The following MEIKIN variants were observed in gnomAD, a reference collection of about 807,000 sequenced individuals.
MEIKIN encodes the protein meiosis-specific kinetochore protein.
intron 8 of MEIKIN, among the ~76,000 whole-genome samples, chr5:131,901,477 G>A (rs1277742321): frequency 6.6e-6 from 1 of 151,950 alleles, no homozygotes; most frequent in Middle Eastern, 3.2e-3. Context: ...CCCTACAATT[G>A]CCAGCACCCT....
At chr5:131,885,964 T>C (rs999180472) in intron 8 of MEIKIN, among the ~76,000 whole-genome samples, 1 of 152,114 alleles carries the variant, frequency 6.6e-6, no homozygotes, top group African/African-American at 2.4e-5. Context: ...TACAAAGAAA[T>C]TTAAATAACT....
intron 5 of MEIKIN, among the ~76,000 whole-genome samples, chr5:131,925,574 G>A (rs1002347129): frequency 3.9e-5 from 6 of 152,036 alleles, no homozygotes; most frequent in African/African-American, 2.4e-5. Context: ...TTTATTGCTA[G>A]GATATAGAAA....
At chr5:131,828,867 T>C (rs1278721695) in intron 11 of MEIKIN, among the ~76,000 whole-genome samples, 1 of 152,162 alleles carries the variant, frequency 6.6e-6, no homozygotes, top group African/African-American at 2.4e-5. Flanking sequence ...AAGGAACTCC[T>C]GGGTCAAACA....
intron 10 of MEIKIN, among the ~76,000 whole-genome samples, chr5:131,853,210 T>C (rs1480886376): frequency 6.6e-6 from 1 of 152,242 alleles, no homozygotes; most frequent in Non-Finnish European, 1.5e-5. Flanking sequence ...ACTACTGCAC[T>C]ATAAAAGCTA....
rs912473159 is a variant in MEIKIN at position 131,917,936 on chromosome 5, AT to A, written c.599-1012del. ...TGTTTTTGCTGGTAACAGTCACCTC[AT>A]TTTTTTTCCCCCGAGGGTCCAGGCA... On this transcript the variant is annotated intron_variant, in intron 6 of 12. Coordinates refer to ENST00000442687, the MANE Select transcript of MEIKIN (RefSeq NM_001303622.2). Among the ~76,000 whole-genome samples, 7 of 151,914 alleles carry A rather than the reference AT, an allele frequency of 4.6e-5. No homozygotes were observed. In the East Asian group the frequency reaches 5.8e-4, roughly 13 times the overall value.
intron 5 of MEIKIN, among the ~76,000 whole-genome samples, chr5:131,928,138 C>T (rs1362251788): frequency 3.9e-5 from 5 of 129,478 alleles, no homozygotes; most frequent in African/African-American, 6.2e-5. Context: ...AGCAAAACTC[C>T]GTCTCAAAAA....
intron 11 of MEIKIN, among the ~76,000 whole-genome samples, chr5:131,836,576 T>C (rs1202374010): frequency 6.6e-6 from 1 of 152,226 alleles, no homozygotes; most frequent in Non-Finnish European, 1.5e-5. Flanking sequence ...TTTTACTTTT[T>C]AATAATTGCC....
intron 11 of MEIKIN, among the ~76,000 whole-genome samples, chr5:131,839,545 G>A (rs1240940442): frequency 6.6e-6 from 1 of 152,140 alleles, no homozygotes; most frequent in Non-Finnish European, 1.5e-5. Context: ...CCTCTGTTGG[G>A]TGCATGTATA....
intron 5 of MEIKIN, among the ~76,000 whole-genome samples, chr5:131,932,823 T>C (rs1657781035): frequency 1.3e-5 from 2 of 152,166 alleles, no homozygotes; most frequent in South Asian, 2.1e-4. Context: ...TTTACAAGCA[T>C]TTGGCACAAC....
At chr5:131,816,616 T>C (rs1296415981) in intron 12 of MEIKIN, among the ~76,000 whole-genome samples, 1 of 152,216 alleles carries the variant, frequency 6.6e-6, no homozygotes, top group Non-Finnish European at 1.5e-5. Flanking sequence ...TTGCATACGT[T>C]AGGCCTTATT....
intron 4 of MEIKIN, among the ~76,000 whole-genome samples, chr5:131,941,163 T>C: frequency 7.5e-6 from 1 of 134,174 alleles, no homozygotes. Context: ...TTTTTTTTTT[T>C]TTTTTTTTTT....
chr5:131,845,340 C>T lies in MEIKIN; in HGVS notation c.975+5924G>A, dbSNP rs144548506. On this transcript the variant is annotated intron_variant, in intron 11 of 12. Coordinates refer to ENST00000442687, the MANE Select transcript of MEIKIN (RefSeq NM_001303622.2). Reference sequence around the variant, plus strand: ...AGAAGGGTGGAGAGACTCATTTCCACATTTACTACATTATTATATTCAAAC... The same window carrying T: ...AGAAGGGTGGAGAGACTCATTTCCATATTTACTACATTATTATATTCAAAC... Among the ~76,000 whole-genome samples the T allele has an allele frequency of 3.7e-3, 502 of 135,180 alleles. 5 individuals carry two copies. Among genetic ancestry groups the T allele is most frequent in the African/African-American group, 0.013 (477 of 35,456 alleles). 88.7% of individuals were successfully genotyped at this position (135,180 alleles called of 152,430 possible). A position where few individuals can be genotyped will look rare whatever the true frequency, so the allele number is the denominator to read the frequency against.
chr5:131,885,769 G>C (rs1750784685), intron 8 of MEIKIN, among the ~76,000 whole-genome samples: 1 of 152,158 alleles, frequency 6.6e-6, no homozygotes, highest in South Asian at 2.1e-4. Context: ...TAACAGCTCA[G>C]CCACAGAGGG....
At chr5:131,915,666 C>T (rs1005167498) in intron 7 of MEIKIN, among the ~76,000 whole-genome samples, 6 of 152,028 alleles carry the variant, frequency 3.9e-5, no homozygotes, top group Admixed American at 2.0e-4. Flanking sequence ...GGAGAAAATC[C>T]GAGATTCAGC....
At chr5:131,899,155 T>G (rs936488824) in intron 8 of MEIKIN, among the ~76,000 whole-genome samples, 8 of 152,244 alleles carry the variant, frequency 5.3e-5, no homozygotes, top group Admixed American at 6.5e-5. Context: ...TGCAATAAGA[T>G]ATAAATAAAA....
chr5:131,886,003 A>G (rs1378081354), intron 8 of MEIKIN, among the ~76,000 whole-genome samples: 1 of 152,248 alleles, frequency 6.6e-6, no homozygotes, highest in African/African-American at 2.4e-5. Context: ...CTGGAGTTGA[A>G]AAATGCAACT....
intron 5 of MEIKIN, among the ~76,000 whole-genome samples, chr5:131,931,174 T>C (rs1313465323): frequency 6.6e-6 from 1 of 152,196 alleles, no homozygotes; most frequent in African/African-American, 2.4e-5. Flanking sequence ...ACCACCGTCT[T>C]TGTTGTTATC....
intron 5 of MEIKIN, among the ~76,000 whole-genome samples, chr5:131,931,033 C>T (rs1749252968): frequency 6.6e-6 from 1 of 152,008 alleles, no homozygotes; most frequent in Admixed American, 6.6e-5. Flanking sequence ...CTTAATTTTC[C>T]TTGACAATTT....
At chr5:131,861,750 A>G (rs986961980) in intron 9 of MEIKIN, among the ~76,000 whole-genome samples, 3 of 152,166 alleles carry the variant, frequency 2.0e-5, no homozygotes, top group Non-Finnish European at 4.4e-5. Context: ...TGATGTATCA[A>G]ATTTATTGAT....
Sources: gnomAD v4.1 joint callset for allele counts (sites outside exome capture counted in the v4.1 genomes callset) on GRCh38, gnomAD v4.1.1 for gene constraint, MANE v1.5 for transcripts, NCBI Gene and HGNC (gene_info 2026-07-23, HGNC 2026-07-21) for gene names.